The following CXorf58 variants were observed in gnomAD, a reference collection of about 807,000 sequenced individuals.
The protein encoded by CXorf58 is uncharacterized protein CXorf58.
CXorf58 carries 24 observed loss-of-function variants against 26.0 expected under a neutral mutation model. The observed-to-expected ratio is 0.92, with a 90% CI of 0.67 to 1.30. The LOEUF is 1.30. Ranked by LOEUF, CXorf58 falls within the 50% of genes most tolerant of loss-of-function variation. The pLI, the probability that CXorf58 is intolerant of heterozygous loss-of-function variation, is 0.00. For missense variants in CXorf58, 236 were observed against 263.9 expected, an observed-to-expected ratio of 0.89 and a Z score of 0.73; for synonymous variants, 87 against 86.1, an observed-to-expected ratio of 1.01 and a Z score of -0.06.
chrX:23,928,012 C>T (rs1449915214), intron 6 of CXorf58, among the ~76,000 whole-genome samples: 1 of 111,134 alleles, frequency 9.0e-6, no homozygotes, highest in Non-Finnish European at 1.9e-5. Flanking sequence ...ATGGATTTGC[C>T]TAATCCGGAT....
chrX:23,917,729 C>G (rs766201851), intron 5 of CXorf58, among the ~76,000 whole-genome samples: 1 of 112,992 alleles, frequency 8.9e-6, no homozygotes, highest in East Asian at 2.8e-4. Flanking sequence ...TCTCATCATA[C>G]TTTTAAGTTT....
chrX:23,935,254 G>A lies in CXorf58; in HGVS notation c.614G>A (p.Arg205His), dbSNP rs1418453985. 3 of 1,210,844 alleles carry A rather than the reference G, an allele frequency of 2.5e-6. No individual in the cohort carries two copies. In the South Asian group the frequency reaches 5.3e-5, roughly 21 times the overall value. ...TCTGGCGGCAGAAATAACAGCTGGC[G>A]CAAATTAAATCTTGAAAATATTCCC... ...AFSGGRNNSW[R>H]KLNLENIPRT... Residue 205 changes from arginine (R) to histidine (H), a missense_variant, in exon 7 of 9, where the codon CGC becomes CAC. Arg to His is a conservative substitution (Grantham distance 29). Transcript: ENST00000379211.
rs1329415351 is a variant in CXorf58, at chrX:23,938,651, A to G, written c.890A>G (p.Lys297Arg). The change falls in exon 8 of 9, where the codon AAA (lysine) becomes AGA (arginine). Residue 297 changes from lysine to arginine, a missense_variant. Transcript: ENST00000379211. ...RSKQAQMKVE[K>R]MRKVYLAKEK... ...AAGCAAGCTCAAATGAAAGTTGAAA[A>G]AATGAGAAAAGTTTATTTGGCTAAA... The G allele has an allele frequency of 8.4e-7, 1 of 1,188,226 alleles. No homozygotes were observed. Among genetic ancestry groups the G allele is most frequent in the South Asian group, 1.9e-5 (1 of 53,722 alleles).
At chrX:23,916,661 G>A (rs750616971) in intron 5 of CXorf58, among the ~76,000 whole-genome samples, 2 of 110,831 alleles carry the variant, frequency 1.8e-5, no homozygotes, top group South Asian at 7.6e-4. Flanking sequence ...AGGCCGAGGC[G>A]GGCAGATCAC....
chrX:23,935,463 G>A, intron 7 of CXorf58, 38 bp downstream of exon 7: 1 of 962,078 alleles, frequency 1.0e-6, no homozygotes, highest in Non-Finnish European at 1.5e-6. Flanking sequence ...AATACTAGGG[G>A]CATATCTGAA....
At position 23,916,248 on chromosome X, in the gene CXorf58, G is replaced by A. The variant is rs144611010; in HGVS notation, c.343G>A (p.Val115Met). 23 of 1,193,478 alleles carry A rather than the reference G, an allele frequency of 1.9e-5. No homozygotes were observed. The highest frequency in any genetic ancestry group is 6.0e-5 in the East Asian group (2 of 33,525). ...FRGETFPPFI[V>M]FKIFLHTDGH... ...AGGTGAAACGTTTCCACCTTTCATCGTGTTTAAAATTTTTCTTCATACTGA... is the reference window on the plus strand; with the variant it reads ...AGGTGAAACGTTTCCACCTTTCATCATGTTTAAAATTTTTCTTCATACTGA... Residue 115 changes from valine to methionine, a missense_variant, in exon 5 of 9, where the codon GTG becomes ATG. Val to Met is a conservative substitution (Grantham distance 21). Coordinates refer to ENST00000379211, the MANE Select transcript of CXorf58 (RefSeq NM_152761.3).
At chrX:23,922,419 C>T (rs1471567327) in intron 5 of CXorf58, among the ~76,000 whole-genome samples, 1 of 111,191 alleles carries the variant, frequency 9.0e-6, no homozygotes, top group African/African-American at 3.3e-5. Context: ...ACTAACTTGC[C>T]TAAGGTCTCA....
intron 5 of CXorf58, among the ~76,000 whole-genome samples, chrX:23,919,771 A>T (rs1732980007): frequency 1.8e-5 from 2 of 112,117 alleles, no homozygotes; most frequent in Non-Finnish European, 3.8e-5. Context: ...CTTGTTTGTA[A>T]CCTGTCCTTC....
chrX:23,927,315 C>T lies in CXorf58; in HGVS notation c.500C>T (p.Pro167Leu), dbSNP rs752200961. 1.7e-6 allele frequency: 2 copies of T among 1,169,317 alleles called. No individual in the cohort carries two copies. Among genetic ancestry groups the T allele is most frequent in the South Asian group, 1.9e-5 (1 of 53,139 alleles). The change falls in exon 6 of 9, where the codon CCG becomes CTG. Residue 167 changes from proline to leucine, a missense_variant. Physicochemically the swap from Pro to Leu is moderately conservative, Grantham distance 98 (BLOSUM62 -3). Transcript: ENST00000379211. ...RIIMEDERIF[P>L]KSKVTDIMDV... The stretch of plus-strand genomic sequence containing the variant: ...ATTATGGAAGATGAACGTATTTTCC[C>T]GAAGTCCAAAGTAACTGATATAATG...
At chrX:23,931,249 C>T (rs1395352862) in intron 6 of CXorf58, among the ~76,000 whole-genome samples, 1 of 111,922 alleles carries the variant, frequency 8.9e-6, no homozygotes, top group Non-Finnish European at 1.9e-5. Flanking sequence ...AGGACAAAGA[C>T]CACATACTTT....
intron 1 of CXorf58, among the ~76,000 whole-genome samples, chrX:23,909,534 A>G (rs189303598): frequency 7.1e-5 from 8 of 112,033 alleles, no homozygotes; most frequent in Non-Finnish European, 5.6e-5. Context: ...ATATAATTGG[A>G]GCACCTTGTA....
intron 5 of CXorf58, among the ~76,000 whole-genome samples, chrX:23,922,097 G>T (rs1927885320): frequency 9.0e-6 from 1 of 110,910 alleles, no homozygotes; most frequent in South Asian, 3.8e-4. Flanking sequence ...ACTGAGGGCC[G>T]GGTGCTGTGG....
chrX:23,934,193 G>A (rs1359437034), intron 6 of CXorf58, among the ~76,000 whole-genome samples: 1 of 111,953 alleles, frequency 8.9e-6, no homozygotes, highest in African/African-American at 3.2e-5. Flanking sequence ...TATTTAGTGA[G>A]TATGATACTG....
At chrX:23,923,224 C>A (rs2147071144) in intron 5 of CXorf58, among the ~76,000 whole-genome samples, 1 of 111,448 alleles carries the variant, frequency 9.0e-6, no homozygotes, top group South Asian at 3.7e-4. Context: ...AGAGAGCTTG[C>A]CCTATGCTGC....
At position 23,938,691 on chromosome X, in the gene CXorf58, T is replaced by C; in HGVS notation, c.930T>C (p.Ser310=). Residue 310 remains serine (S), a synonymous_variant, in exon 8 of 9, where the codon TCT becomes TCC. Transcript: ENST00000379211. ...KVYLAKEKNT[S]EVTEPKTGPS... The stretch of plus-strand genomic sequence containing the variant: ...ATTTGGCTAAAGAAAAAAATACTTC[T>C]GAGGTGACTGTAAGTTTAACTTGTA... The C allele has an allele frequency of 8.6e-7, 1 of 1,157,368 alleles. No individual in the cohort carries two copies. The highest frequency in any genetic ancestry group is 1.2e-6 in the Non-Finnish European group (1 of 860,757).
chrX:23,926,732 T>G (rs901393263), intron 5 of CXorf58, among the ~76,000 whole-genome samples: 1 of 112,454 alleles, frequency 8.9e-6, no homozygotes. Context: ...TTAAAAACTA[T>G]GTAGATGGCC....
intron 5 of CXorf58, among the ~76,000 whole-genome samples, chrX:23,920,443 C>T (rs1927834307): frequency 8.9e-6 from 1 of 111,953 alleles, no homozygotes; most frequent in Non-Finnish European, 1.9e-5. Flanking sequence ...TGAGTTCTAG[C>T]ATGTATGCAG....
intron 6 of CXorf58, among the ~76,000 whole-genome samples, chrX:23,932,951 C>T (rs1332890137): frequency 1.8e-5 from 2 of 110,505 alleles, no homozygotes; most frequent in African/African-American, 3.3e-5. Flanking sequence ...GCCGAGATTG[C>T]GCCGCTGCAC....
chrX:23,939,455 C>G lies in CXorf58; in HGVS notation c.*152C>G, dbSNP rs1928372763. 2.4e-6 allele frequency: 1 copy of G among 414,277 alleles called. No individual in the cohort carries two copies. Among genetic ancestry groups the G allele is most frequent in the African/African-American group, 2.5e-5 (1 of 40,334 alleles). 34.1% of individuals were successfully genotyped at this position (414,277 alleles called of 1,213,427 possible). A position where few individuals can be genotyped will look rare whatever the true frequency, so the allele number is the denominator to read the frequency against. The stretch of plus-strand genomic sequence containing the variant: ...AAAACCAAAGTTGTTTAACAATCTG[C>G]TTGTCTGTCTATAAATAATGAGTAT... On this transcript the variant is annotated 3_prime_UTR_variant, in exon 9 of 9. Transcript: ENST00000379211.
Sources: gnomAD v4.1 joint callset for allele counts (sites outside exome capture counted in the v4.1 genomes callset) on GRCh38, gnomAD v4.1.1 for gene constraint, MANE v1.5 for transcripts, NCBI Gene and HGNC (gene_info 2026-07-23, HGNC 2026-07-21) for gene names.